The following DSE variants were observed in gnomAD, a reference collection of about 807,000 sequenced individuals.
DSE encodes dermatan sulfate epimerase, also known as dermatan-sulfate epimerase.
Under a neutral mutation model 84.4 loss-of-function variants are expected in DSE, and 36 were observed. The observed-to-expected ratio is 0.43, with a 90% CI of 0.33 to 0.56. The LOEUF is 0.56. Ranked by LOEUF, DSE falls within the 20% of genes least tolerant of loss-of-function variation. DSE has a pLI of 0.06. For synonymous variants in DSE, 410 were observed against 430.1 expected, an observed-to-expected ratio of 0.95 and a Z score of 0.58; for missense variants, 862 against 1,169.6, an observed-to-expected ratio of 0.74 and a Z score of 3.84.
upstream of DSE, among the ~76,000 whole-genome samples, chr6:116,369,341 CACTT>C (rs1371759017): frequency 3.3e-5 from 5 of 152,210 alleles, no homozygotes; most frequent in East Asian, 1.9e-4. Flanking sequence ...TGGAAATTAA[CACTT>C]ACGGATTACA....
At chr6:116,414,570 G>A (rs1444546500) in intron 2 of DSE, among the ~76,000 whole-genome samples, 1 of 152,048 alleles carries the variant, frequency 6.6e-6, no homozygotes, top group Non-Finnish European at 1.5e-5. Context: ...GTGCCACCAC[G>A]CCCAGCTAAT....
chr6:116,327,251 G>A (rs1776678013), intron 2 of DSE, among the ~76,000 whole-genome samples: 1 of 152,158 alleles, frequency 6.6e-6, no homozygotes, highest in Non-Finnish European at 1.5e-5. Context: ...CTAAACTATT[G>A]ACCCTTGAGG....
intron 2 of DSE, among the ~76,000 whole-genome samples, chr6:116,313,595 T>C (rs904935029): frequency 6.6e-6 from 1 of 152,212 alleles, no homozygotes; most frequent in Non-Finnish European, 1.5e-5. Context: ...CTGGAGTAAC[T>C]CCAGCCACAA....
rs1784160122 is a variant in DSE, at chr6:116,436,460, C to T, written c.1992C>T (p.Phe664=). ...RSPITRAAYL[F]IGPSIDVQSF... ...CCATCACCAGGGCAGCTTACCTCTT[C>T]ATAGGGCCATCTATAGATGTTCAGA... Residue 664 remains phenylalanine, a synonymous_variant, in exon 6 of 6, where the codon TTC becomes TTT. Transcript: ENST00000644252. 6.2e-7 allele frequency: 1 copy of T among 1,614,182 alleles called. No homozygotes were observed. The highest frequency in any genetic ancestry group is 8.5e-7 in the Non-Finnish European group (1 of 1,180,020).
At chr6:116,426,350 T>C (rs1344603562) in intron 2 of DSE, among the ~76,000 whole-genome samples, 1 of 152,224 alleles carries the variant, frequency 6.6e-6, no homozygotes, top group Non-Finnish European at 1.5e-5. Context: ...AACATCTCGA[T>C]GTTGCCAGAA....
intron 2 of DSE, among the ~76,000 whole-genome samples, chr6:116,297,533 T>A (rs1774744252): frequency 6.6e-6 from 1 of 152,226 alleles, no homozygotes; most frequent in African/African-American, 2.4e-5. Flanking sequence ...GAATTCTAAG[T>A]AATTAATTAG....
chr6:116,337,247 A>G (rs1777310519), intron 2 of DSE, among the ~76,000 whole-genome samples: 2 of 152,206 alleles, frequency 1.3e-5, no homozygotes, highest in African/African-American at 4.8e-5. Flanking sequence ...AGGAAAATAT[A>G]TATAAGAAAA....
intron 2 of DSE, among the ~76,000 whole-genome samples, chr6:116,354,471 G>A (rs1778476415): frequency 6.6e-6 from 1 of 152,094 alleles, no homozygotes; most frequent in South Asian, 2.1e-4. Flanking sequence ...GTACAGTAAG[G>A]GAACCAGGAA....
chr6:116,272,213 G>C (rs998157277), intron 2 of DSE, among the ~76,000 whole-genome samples: 8 of 152,162 alleles, frequency 5.3e-5, no homozygotes, highest in African/African-American at 1.9e-4. Context: ...ACTTGTTGGT[G>C]AACATTTGGG....
intron 2 of DSE, among the ~76,000 whole-genome samples, chr6:116,267,905 C>G (rs1002196617): frequency 6.6e-6 from 1 of 152,104 alleles, no homozygotes; most frequent in Non-Finnish European, 1.5e-5. Context: ...ACCCCCAGAT[C>G]TCATGAGAGC....
At chr6:116,368,158 T>A (rs1241566696), upstream of DSE, among the ~76,000 whole-genome samples, 1 of 152,202 alleles carries the variant, frequency 6.6e-6, no homozygotes, top group Non-Finnish European at 1.5e-5. Context: ...TTTTTCCTAA[T>A]CCTTCAGCTA....
At chr6:116,304,309 C>A (rs1397280216) in intron 2 of DSE, among the ~76,000 whole-genome samples, 1 of 152,108 alleles carries the variant, frequency 6.6e-6, no homozygotes, top group Non-Finnish European at 1.5e-5. Context: ...ATTTAGCCCA[C>A]TTTTCAAATA....
chr6:116,279,895 A>T, intron 2 of DSE: 9 of 1,607,728 alleles, frequency 5.6e-6, no homozygotes, highest in Non-Finnish European at 7.7e-6. Context: ...ACTGGGAGCT[A>T]ACCGCCGCTC....
upstream of DSE, among the ~76,000 whole-genome samples, chr6:116,367,933 A>G (rs1779256730): frequency 6.6e-6 from 1 of 152,216 alleles, no homozygotes. Flanking sequence ...GAGGCAAGAA[A>G]CTTTTCACAG....
intron 2 of DSE, among the ~76,000 whole-genome samples, chr6:116,405,002 T>TG (rs1781829822): frequency 6.6e-6 from 1 of 151,592 alleles, no homozygotes; most frequent in South Asian, 2.1e-4. Flanking sequence ...TTTTTTTTTT[T>TG]GCAACAGACT....
chr6:116,361,906 GC>G (rs763578926), intron 2 of DSE, among the ~76,000 whole-genome samples: 32 of 152,280 alleles, frequency 2.1e-4, no homozygotes, highest in Non-Finnish European at 3.5e-4. Flanking sequence ...CGTATCTGAA[GC>G]TACAAAATAG....
intron 2 of DSE, among the ~76,000 whole-genome samples, chr6:116,275,234 T>G (rs989272945): frequency 6.6e-6 from 1 of 152,180 alleles, no homozygotes; most frequent in African/African-American, 2.4e-5. Context: ...CTATCTCCAG[T>G]ATAATCACCT....
chr6:116,390,868 T>A (rs1205818880), intron 1 of DSE, among the ~76,000 whole-genome samples: 1 of 152,130 alleles, frequency 6.6e-6, no homozygotes, highest in East Asian at 1.9e-4. Context: ...TAATACAGAT[T>A]TTACTTTTTT....
At position 116,437,105 on chromosome 6, in the gene DSE, G is replaced by A. The variant is rs1784224429; in HGVS notation, c.2637G>A (p.Arg879=). The change falls in exon 6 of 6, where the codon CGG becomes CGA. Residue 879 remains arginine, a synonymous_variant. Coordinates refer to ENST00000644252, the MANE Select transcript of DSE (RefSeq NM_013352.4). ...AAAATGGGGGCTTGATTAAAGGCCG[G>A]TTTGGACAGGCACGGATGGTGACAA... The part of the protein sequence containing the change: ...KHKNGGLIKG[R]FGQARMVTTT... The A allele has an allele frequency of 1.2e-6, 2 of 1,614,006 alleles. No homozygotes were observed. The highest frequency in any genetic ancestry group is 1.7e-5 in the Admixed American group (1 of 59,996).
Sources: allele counts gnomAD v4.1 joint callset (sites outside exome capture counted in the v4.1 genomes callset), GRCh38; gene constraint gnomAD v4.1.1; transcripts MANE v1.5; gene names NCBI Gene and HGNC (gene_info 2026-07-23, HGNC 2026-07-21).